Variants in MFSD6 observed in about 807,000 individuals in gnomAD.
MFSD6 encodes the protein major facilitator superfamily domain containing 6, also known as major facilitator superfamily domain-containing protein 6.
In MFSD6, 26 loss-of-function variants were observed where a neutral mutation model predicts 56.3. That is an observed-to-expected ratio of 0.46 (90% CI 0.34 to 0.64). The LOEUF is 0.64. Ranked by LOEUF, MFSD6 falls within the 30% of genes least tolerant of loss-of-function variation. The pLI is 0.01. For missense variants in MFSD6, 750 were observed against 986.2 expected (o/e 0.76, Z 3.21); for synonymous variants, 331 against 366.9 (o/e 0.90, Z 1.12).
rs868090801 is a variant in MFSD6 at position 190,488,043 on chromosome 2, T to C, written c.1631-614T>C. On this transcript the variant is annotated intron_variant, in intron 4 of 7. Coordinates refer to ENST00000392328, the MANE Select transcript of MFSD6 (RefSeq NM_017694.4). The surrounding 1 kb of genome is among the most constrained non-coding windows in gnomAD (Gnocchi z 6.4). ...TCAGCCTCCCGAGTAGCTGGGACTA[T>C]AGGCGTGCACCACCACGCCAGGCTA... Among the ~76,000 whole-genome samples the C allele has an allele frequency of 6.6e-6, 1 of 152,110 alleles. No individual in the cohort carries two copies. Among genetic ancestry groups the C allele is most frequent in the African/African-American group, 2.4e-5 (1 of 41,414 alleles).
intron 4 of MFSD6, among the ~76,000 whole-genome samples, chr2:190,477,894 A>T (rs1233588512): frequency 6.6e-6 from 1 of 152,192 alleles, no homozygotes; most frequent in Non-Finnish European, 1.5e-5. Flanking sequence ...CTAGATTCTG[A>T]AGGGCGAATA....
intron 2 of MFSD6, chr2:190,435,286 A>T (rs1686137944): frequency 6.6e-6 from 1 of 152,268 alleles, no homozygotes; most frequent in African/African-American, 2.4e-5. Flanking sequence ...GAATGAATAC[A>T]TGTAAAGATC....
At chr2:190,408,099 G>A, upstream of MFSD6, among the ~76,000 whole-genome samples, 1 of 152,050 alleles carries the variant, frequency 6.6e-6, no homozygotes, top group Non-Finnish European at 1.5e-5. Context: ...GCCGGGAGCG[G>A]GCAGTCGACG....
In MFSD6 at chr2:190,501,364, A is replaced by C. The variant is rs1350194776; in HGVS notation, c.*1146A>C. 5 of 152,216 alleles carry C rather than the reference A, an allele frequency of 3.3e-5. No homozygotes were observed. Among genetic ancestry groups the C allele is most frequent in the Admixed American group, 2.6e-4 (4 of 15,278 alleles). 9.4% of individuals were successfully genotyped at this position (152,216 alleles called of 1,614,324 possible). ...TTCGTTCTCATGAAGACACAGTCAG[A>C]CACTGGACAATGTAATGTATGCAAC... On this transcript the variant is annotated 3_prime_UTR_variant, in exon 8 of 8. Transcript: ENST00000392328.
chr2:190,486,993 T>A (rs1689048529), intron 4 of MFSD6, among the ~76,000 whole-genome samples: 1 of 152,344 alleles, frequency 6.6e-6, no homozygotes, highest in South Asian at 2.1e-4. Flanking sequence ...GGTGAAGATA[T>A]AAAACTGGTA....
chr2:190,411,625 T>C (rs1690570525), intron 1 of MFSD6: 1 of 977,874 alleles, frequency 1.0e-6, no homozygotes, highest in Non-Finnish European at 1.2e-6. Context: ...AATTAATTGA[T>C]TTTATAACAA....
rs1397798682 is a variant in MFSD6, at chr2:190,471,352, G to C, written c.1630+1497G>C. Among the ~76,000 whole-genome samples the C allele has an allele frequency of 6.6e-6, 1 of 152,188 alleles. No homozygotes were observed. The highest frequency in any genetic ancestry group is 1.5e-5 in the Non-Finnish European group (1 of 68,032). ...ATTCCCTTTCCTAGCCGAGGAAAGGGGTGAGAGATGGCACCTGGAAAATTG... is the reference window on the plus strand; with the variant it reads ...ATTCCCTTTCCTAGCCGAGGAAAGGCGTGAGAGATGGCACCTGGAAAATTG... On this transcript the variant is annotated intron_variant, in intron 4 of 7. Transcript: ENST00000392328. This position sits in a 1 kb window ranked among gnomAD's most constrained non-coding sequence, Gnocchi z 4.7.
At chr2:190,427,890 C>T (rs2125020154) in intron 2 of MFSD6, among the ~76,000 whole-genome samples, 1 of 152,240 alleles carries the variant, frequency 6.6e-6, no homozygotes, top group African/African-American at 2.4e-5. Flanking sequence ...TGCCACCATG[C>T]CCAGCTAATT....
rs558969902 is a variant in MFSD6 at position 190,497,440 on chromosome 2, C to G, written c.1893C>G (p.Asp631Glu). The change falls in exon 7 of 8, where the codon GAC (aspartate) becomes GAG (glutamate). Residue 631 changes from aspartate to glutamate, a missense_variant and splice_region_variant. Coordinates refer to ENST00000392328, the MANE Select transcript of MFSD6 (RefSeq NM_017694.4). This position sits in a 1 kb window ranked among gnomAD's most constrained non-coding sequence, Gnocchi z 5.2. ...QWLAVPDEEE[D>E]KTMLAERIPV... ...GTTTAAACATTCTTTTCTCTCCAGA[C>G]AAGACAATGTTGGCAGAAAGAATTC... 2.0e-5 allele frequency: 33 copies of G among 1,612,882 alleles called. No homozygotes were observed. In the South Asian group the frequency reaches 3.6e-4, roughly 18 times the overall value.
chr2:190,500,384 T>C lies in MFSD6; in HGVS notation c.*166T>C. 1 of 710,880 alleles carries C rather than the reference T, an allele frequency of 1.4e-6. No homozygotes were observed. The highest frequency in any genetic ancestry group is 2.7e-5 in the East Asian group (1 of 36,582). The allele number at this position is 710,880 out of a possible 1,614,324, so 44.0% of individuals were successfully genotyped here. A position where few individuals can be genotyped will look rare whatever the true frequency, so the allele number is the denominator to read the frequency against. On this transcript the variant is annotated 3_prime_UTR_variant, in exon 8 of 8. Coordinates refer to ENST00000392328, the MANE Select transcript of MFSD6 (RefSeq NM_017694.4). This position sits in a 1 kb window ranked among gnomAD's most constrained non-coding sequence, Gnocchi z 5.3. ...GGAAACACACACACAGGAGCTACAG[T>C]ACATATTGGCAGGAAAAGGTAAACT...
chr2:190,455,934 C>CTGT (rs1687011079), intron 3 of MFSD6, among the ~76,000 whole-genome samples: 1 of 65,370 alleles, frequency 1.5e-5, no homozygotes, highest in Non-Finnish European at 2.5e-5. Context: ...ATTTACTCTG[C>CTGT]TTTTTTTTTT....
chr2:190,411,728 G>A lies in MFSD6; in HGVS notation c.-176+3225G>A, dbSNP rs950589558. ...ATCAAAGTGAAAGGTGGCATACTGAGAATTGGGGGGCAAAGGGTAAAGAGT... is the reference window on the plus strand; with the variant it reads ...ATCAAAGTGAAAGGTGGCATACTGAAAATTGGGGGGCAAAGGGTAAAGAGT... On this transcript the variant is annotated intron_variant, in intron 1 of 7. Transcript: ENST00000392328. The A allele has an allele frequency of 4.1e-6, 4 of 985,308 alleles. No individual in the cohort carries two copies. The African/African-American group carries it at 7.0e-5, about 17-fold the overall frequency. 61.0% of individuals were successfully genotyped at this position (985,308 alleles called of 1,614,324 possible).
rs1207185098 is a variant in MFSD6, at chr2:190,480,445, TTAAG to T, written c.1631-8209_1631-8206del. Reference sequence around the variant, plus strand: ...TAAGAAATTCTATCTCAAAAACTTATTAAGTATCTGAAGAAAATTTGAAAATTAA... The same window carrying T: ...TAAGAAATTCTATCTCAAAAACTTATTATCTGAAGAAAATTTGAAAATTAA... On this transcript the variant is annotated intron_variant, in intron 4 of 7. Transcript: ENST00000392328. 2.3e-4 allele frequency among the ~76,000 whole-genome samples: 35 copies of T among 152,344 alleles called. 1 individual carries two copies. Among genetic ancestry groups the T allele is most frequent in the Middle Eastern group, 6.8e-3 (2 of 294 alleles).
At position 190,436,956 on chromosome 2, in the gene MFSD6, A is replaced by T; in HGVS notation, c.927A>T (p.Val309=). The T allele has an allele frequency of 6.2e-7, 1 of 1,614,230 alleles. No individual in the cohort carries two copies. The highest frequency in any genetic ancestry group is 8.5e-7 in the Non-Finnish European group (1 of 1,180,044). The part of the protein sequence containing the change: ...EFFSASSVTI[V]DTVTLQYLGK... Reference sequence around the variant, plus strand: ...TCAGTGCCTCTTCTGTCACAATCGTAGACACGGTCACACTCCAGTATCTGG... The same window carrying T: ...TCAGTGCCTCTTCTGTCACAATCGTTGACACGGTCACACTCCAGTATCTGG... Residue 309 remains valine (V), a synonymous_variant, in exon 3 of 8, where the codon GTA becomes GTT. Coordinates refer to ENST00000392328, the MANE Select transcript of MFSD6 (RefSeq NM_017694.4). This position sits in a 1 kb window ranked among gnomAD's most constrained non-coding sequence, Gnocchi z 5.3.
rs1690041591 is a variant in MFSD6, at chr2:190,501,915, T to G, written c.*1697T>G. On this transcript the variant is annotated 3_prime_UTR_variant, in exon 8 of 8. Transcript: ENST00000392328. ...AAAGAAATGGGTGACAGGCTTAACC[T>G]CACCTATGAATGTACAGTATGTGGA... 1 of 152,648 alleles carries G rather than the reference T, an allele frequency of 6.6e-6. No individual in the cohort carries two copies. Among genetic ancestry groups the G allele is most frequent in the South Asian group, 2.1e-4 (1 of 4,828 alleles). 9.5% of individuals were successfully genotyped at this position (152,648 alleles called of 1,614,324 possible).
In MFSD6 at chr2:190,467,042, A is replaced by G. The variant is rs559519692; in HGVS notation, c.1533-2716A>G. ...AATTACAGTTGTCATGGCAACCCTGATTCAGAGGTGGGCTCAAAAGACAGC... is the reference window on the plus strand; with the variant it reads ...AATTACAGTTGTCATGGCAACCCTGGTTCAGAGGTGGGCTCAAAAGACAGC... On this transcript the variant is annotated intron_variant, in intron 3 of 7. Transcript: ENST00000392328. The surrounding 1 kb of genome is among the most constrained non-coding windows in gnomAD (Gnocchi z 5.5). Among the ~76,000 whole-genome samples the G allele has an allele frequency of 4.6e-5, 7 of 152,336 alleles. No homozygotes were observed. The highest frequency in any genetic ancestry group is 1.7e-4 in the African/African-American group (7 of 41,574).
At chr2:190,484,691 C>G (rs1025035289) in intron 4 of MFSD6, among the ~76,000 whole-genome samples, 3 of 152,180 alleles carry the variant, frequency 2.0e-5, no homozygotes, top group African/African-American at 4.8e-5. Context: ...CCACCACTGT[C>G]TTTTGTATAC....
chr2:190,442,233 T>C (rs1374645744), intron 3 of MFSD6, among the ~76,000 whole-genome samples: 1 of 152,220 alleles, frequency 6.6e-6, no homozygotes, highest in Admixed American at 6.5e-5. Flanking sequence ...TATTCTATAT[T>C]ACTTAAAAAT....
At chr2:190,435,239 A>C (rs1044881153) in intron 2 of MFSD6, 1 of 152,238 alleles carries the variant, frequency 6.6e-6, no homozygotes, top group African/African-American at 2.4e-5. Flanking sequence ...TCTCATCTGT[A>C]AAATGGACAA....
Sources: allele counts gnomAD v4.1 joint callset (sites outside exome capture counted in the v4.1 genomes callset), GRCh38; gene constraint gnomAD v4.1.1; non-coding constraint Gnocchi (gnomAD v3.1); transcripts MANE v1.5; gene names NCBI Gene and HGNC (gene_info 2026-07-23, HGNC 2026-07-21).